The following SCFD2 variants were observed in gnomAD, a reference collection of about 807,000 sequenced individuals.
The protein encoded by SCFD2 is sec1 family domain containing 2.
SCFD2 carries 54 observed loss-of-function variants against 58.9 expected under a neutral mutation model. The observed-to-expected ratio is 0.92, with a 90% confidence interval of 0.74 to 1.15. SCFD2 has a LOEUF of 1.15. Among genes scored for constraint, SCFD2 ranks in the 50% most tolerant of loss-of-function variants. The pLI is 0.00. For synonymous variants in SCFD2, 321 were observed against 335.9 expected (o/e 0.96, Z 0.49); for missense variants, 805 against 836.6 (o/e 0.96, Z 0.47).
At chr4:53,005,064 A>T (rs1418177592) in intron 5 of SCFD2, among the ~76,000 whole-genome samples, 2 of 152,068 alleles carry the variant, frequency 1.3e-5, no homozygotes, top group East Asian at 3.9e-4. Flanking sequence ...CATCCGGATA[A>T]TTTTTGTATT....
intron 2 of SCFD2, among the ~76,000 whole-genome samples, chr4:53,347,076 T>A (rs1734079108): frequency 6.6e-6 from 1 of 152,230 alleles, no homozygotes; most frequent in African/African-American, 2.4e-5. Context: ...AGGCAGCTAA[T>A]GCCATCAGTG....
At chr4:52,897,260 T>A (rs952715197) in intron 7 of SCFD2, among the ~76,000 whole-genome samples, 2 of 152,220 alleles carry the variant, frequency 1.3e-5, no homozygotes, top group African/African-American at 4.8e-5. Flanking sequence ...TGCTTCCAGT[T>A]TTTGCCCATT....
At chr4:53,329,114 A>C (rs1471540772) in intron 2 of SCFD2, among the ~76,000 whole-genome samples, 1 of 152,182 alleles carries the variant, frequency 6.6e-6, no homozygotes, top group Non-Finnish European at 1.5e-5. Flanking sequence ...AGTCTCACTG[A>C]TTGCTAGCAC....
chr4:53,269,676 T>A (rs996539985), intron 4 of SCFD2, among the ~76,000 whole-genome samples: 4 of 152,168 alleles, frequency 2.6e-5, no homozygotes, highest in Non-Finnish European at 5.9e-5. Context: ...TAACTGACTT[T>A]ACTAAACTAT....
At chr4:53,323,944 A>G (rs1257018789) in intron 2 of SCFD2, among the ~76,000 whole-genome samples, 3 of 152,240 alleles carry the variant, frequency 2.0e-5, no homozygotes, top group Admixed American at 6.5e-5. Flanking sequence ...CCCTATTAAT[A>G]AAGGAGACAG....
intron 5 of SCFD2, among the ~76,000 whole-genome samples, chr4:52,988,956 T>C (rs1721559591): frequency 6.6e-6 from 1 of 152,236 alleles, no homozygotes; most frequent in Non-Finnish European, 1.5e-5. Flanking sequence ...GTGTCGACTA[T>C]CTACCTGTTT....
intron 5 of SCFD2, among the ~76,000 whole-genome samples, chr4:52,960,730 C>A (rs1461173606): frequency 6.7e-6 from 1 of 149,056 alleles, no homozygotes; most frequent in East Asian, 2.0e-4. Flanking sequence ...ACACACACAA[C>A]ACACACACAC....
Position 53,354,640 on chromosome 4 carries a change from G to A in SCFD2, c.839-1874C>T, listed in dbSNP as rs542200738. Among the ~76,000 whole-genome samples, 40 of 152,286 alleles carry A rather than the reference G, an allele frequency of 2.6e-4. No homozygotes were observed. In the East Asian group the frequency reaches 7.3e-3, roughly 28 times the overall value. ...CACTTTGTCACCTCTCACTAGCACA[G>A]TGCCTACATATAGTAGGCATCAATA... On this transcript the variant is annotated intron_variant, in intron 1 of 8. Coordinates refer to ENST00000401642, the MANE Select transcript of SCFD2 (RefSeq NM_152540.4).
intron 5 of SCFD2, among the ~76,000 whole-genome samples, chr4:53,101,022 G>A (rs1388650747): frequency 2.6e-5 from 4 of 152,130 alleles, no homozygotes; most frequent in South Asian, 2.1e-4. Context: ...CTTCAAATGC[G>A]TCGATGGAGA....
chr4:53,209,291 C>T (rs1051559848), intron 4 of SCFD2, among the ~76,000 whole-genome samples: 2 of 152,126 alleles, frequency 1.3e-5, no homozygotes, highest in African/African-American at 2.4e-5. Context: ...CAATGATACA[C>T]TAGATGAGGG....
At chr4:53,329,469 C>A (rs1289135411) in intron 2 of SCFD2, among the ~76,000 whole-genome samples, 1 of 148,480 alleles carries the variant, frequency 6.7e-6, no homozygotes, top group African/African-American at 2.6e-5. Flanking sequence ...TGGGAGGCAC[C>A]CCCCAGCAGG....
At chr4:52,996,429 C>T (rs1577648416) in intron 5 of SCFD2, among the ~76,000 whole-genome samples, 1 of 152,238 alleles carries the variant, frequency 6.6e-6, no homozygotes, top group East Asian at 1.9e-4. Context: ...GTTATTTTCC[C>T]TTTTTAAAAG....
At chr4:53,331,041 G>T (rs1450043200) in intron 2 of SCFD2, among the ~76,000 whole-genome samples, 2 of 151,402 alleles carry the variant, frequency 1.3e-5, no homozygotes, top group Non-Finnish European at 3.0e-5. Flanking sequence ...AACAAGAAGA[G>T]CTAACTATCC....
chr4:53,098,626 T>C (rs1173096317), intron 5 of SCFD2, among the ~76,000 whole-genome samples: 4 of 152,106 alleles, frequency 2.6e-5, no homozygotes, highest in African/African-American at 4.8e-5. Flanking sequence ...AACTGTTCCC[T>C]CTCTCTGGAA....
intron 5 of SCFD2, among the ~76,000 whole-genome samples, chr4:53,077,539 A>T (rs550167662): frequency 6.6e-6 from 1 of 152,096 alleles, no homozygotes; most frequent in African/African-American, 2.4e-5. Context: ...CTGGGTTCAA[A>T]CAATTCTCCT....
At chr4:53,275,029 A>G (rs1013559060) in intron 3 of SCFD2, among the ~76,000 whole-genome samples, 9 of 152,280 alleles carry the variant, frequency 5.9e-5, no homozygotes, top group African/African-American at 2.2e-4. Context: ...TGGCAATGAA[A>G]CCACCTGCAT....
Position 53,076,134 on chromosome 4 carries a change from C to T in SCFD2, c.1561+69199G>A, listed in dbSNP as rs1389183841. On this transcript the variant is annotated intron_variant, in intron 5 of 8. Coordinates refer to ENST00000401642, the MANE Select transcript of SCFD2 (RefSeq NM_152540.4). ...TCTGAGCCTAGAAAGGATTGTTCTC[C>T]TCAGTCCTAATTTTCATATATTACA... is the stretch of plus-strand genomic sequence containing the variant. Among the ~76,000 whole-genome samples, 3 of 152,238 alleles carry T rather than the reference C, an allele frequency of 2.0e-5. No individual in the cohort carries two copies. In the East Asian group the frequency reaches 5.8e-4, roughly 29 times the overall value.
chr4:53,182,231 C>T (rs1032104658), intron 4 of SCFD2, among the ~76,000 whole-genome samples: 1 of 152,162 alleles, frequency 6.6e-6, no homozygotes, highest in Admixed American at 6.5e-5. Flanking sequence ...CTGGAGGCAT[C>T]ATGCTACCTG....
At chr4:53,123,216 T>G (rs79563849) in intron 5 of SCFD2, among the ~76,000 whole-genome samples, 2 of 152,184 alleles carry the variant, frequency 1.3e-5, no homozygotes, top group African/African-American at 2.4e-5. Flanking sequence ...CCTAGCCTGA[T>G]AGCTAGACAC....
Sources: allele counts gnomAD v4.1 joint callset (sites outside exome capture counted in the v4.1 genomes callset), GRCh38; gene constraint gnomAD v4.1.1; transcripts MANE v1.5; gene names NCBI Gene and HGNC (gene_info 2026-07-23, HGNC 2026-07-21).